The following DNAJC24 variants were observed in gnomAD, a reference collection of about 807,000 sequenced individuals.
DNAJC24 encodes dnaJ homolog subfamily C member 24.
DNAJC24 carries 17 observed loss-of-function variants against 18.0 expected under a neutral mutation model. That is an observed-to-expected ratio of 0.94 (90% CI 0.65 to 1.42). The LOEUF (loss-of-function observed/expected upper bound fraction) is 1.42, where lower values mean the gene tolerates loss of function less well. Among genes scored for constraint, DNAJC24 ranks in the 40% most tolerant of loss-of-function variants. The probability of loss-of-function intolerance (pLI) is 0.00; values close to 1 mark genes in which losing one functional copy is unlikely to be tolerated. For missense variants in DNAJC24, 158 were observed against 175.6 expected (o/e 0.90, Z 0.57); for synonymous variants, 55 against 57.7 (o/e 0.95, Z 0.21).
intron 3 of DNAJC24, among the ~76,000 whole-genome samples, chr11:31,425,835 C>T (rs1421487838): frequency 6.6e-6 from 1 of 152,086 alleles, no homozygotes; most frequent in Non-Finnish European, 1.5e-5. Flanking sequence ...ATGAACAAAC[C>T]AATACACCTA....
intron 2 of DNAJC24, among the ~76,000 whole-genome samples, chr11:31,402,081 G>T (rs1216904070): frequency 6.6e-6 from 1 of 152,174 alleles, no homozygotes; most frequent in South Asian, 2.1e-4. Context: ...ATCACAGAGT[G>T]CACTTACGTA....
chr11:31,397,972 T>A (rs1952559880), intron 2 of DNAJC24, among the ~76,000 whole-genome samples: 1 of 152,040 alleles, frequency 6.6e-6, no homozygotes, highest in African/African-American at 2.4e-5. Context: ...CCAGCTAATT[T>A]TTGTATTCTC....
At chr11:31,414,294 G>A (rs1418223251) in intron 2 of DNAJC24, among the ~76,000 whole-genome samples, 1 of 152,126 alleles carries the variant, frequency 6.6e-6, no homozygotes, top group African/African-American at 2.4e-5. Flanking sequence ...ATAATCTTCA[G>A]GGCTGGGGAA....
intron 2 of DNAJC24, among the ~76,000 whole-genome samples, chr11:31,413,772 T>A (rs1591917925): frequency 1.3e-5 from 2 of 152,320 alleles, no homozygotes; most frequent in African/African-American, 2.4e-5. Flanking sequence ...GGCTGGGAGT[T>A]CCTTATTTAC....
chr11:31,414,321 A>G (rs921898176), intron 2 of DNAJC24, among the ~76,000 whole-genome samples: 2 of 152,162 alleles, frequency 1.3e-5, no homozygotes, highest in African/African-American at 4.8e-5. Context: ...GAAAGTTGTC[A>G]TGTTTATAAT....
chr11:31,427,313 G>C (rs1483897989), intron 4 of DNAJC24: 1 of 151,908 alleles, frequency 6.6e-6, no homozygotes, highest in African/African-American at 2.4e-5. Flanking sequence ...TTTGCCTCTG[G>C]GGCCATTCTG....
At position 31,432,581 on chromosome 11, in the gene DNAJC24, A is replaced by T; in HGVS notation, c.*2180A>T. On this transcript the variant is annotated 3_prime_UTR_variant, in exon 5 of 5. Coordinates refer to ENST00000465995, the MANE Select transcript of DNAJC24 (RefSeq NM_181706.5). ...TCAGAGGCCAAATCTGTAAAATCAAAATGAGGTTGAAGACAATTAGTGAAA... is the reference window on the plus strand; with the variant it reads ...TCAGAGGCCAAATCTGTAAAATCAATATGAGGTTGAAGACAATTAGTGAAA... The T allele has an allele frequency of 6.3e-7, 1 of 1,589,584 alleles. No homozygotes were observed. Among genetic ancestry groups the T allele is most frequent in the Non-Finnish European group, 8.6e-7 (1 of 1,157,874 alleles).
At chr11:31,385,925 G>T (rs1324222882) in intron 2 of DNAJC24, among the ~76,000 whole-genome samples, 1 of 152,164 alleles carries the variant, frequency 6.6e-6, no homozygotes, top group East Asian at 1.9e-4. Context: ...CGTGGAAAGA[G>T]AATCCGTGTG....
Position 31,389,351 on chromosome 11 carries a change from A to G in DNAJC24, c.111+18492A>G, listed in dbSNP as rs529343807. ...TGAAACAAACAAACAAAAAAAGAGT[A>G]AAAGGAGCTATACTTATATCAAACA... On this transcript the variant is annotated intron_variant, in intron 2 of 4. Coordinates refer to ENST00000465995, the MANE Select transcript of DNAJC24 (RefSeq NM_181706.5). Among the ~76,000 whole-genome samples the G allele has an allele frequency of 2.6e-5, 4 of 152,310 alleles. No individual in the cohort carries two copies. In the South Asian group the frequency reaches 8.3e-4, roughly 32 times the overall value.
At chr11:31,410,901 A>G (rs1273238572) in intron 2 of DNAJC24, among the ~76,000 whole-genome samples, 1 of 152,230 alleles carries the variant, frequency 6.6e-6, no homozygotes, top group African/African-American at 2.4e-5. Context: ...GATTGTATTA[A>G]TATATCAGTT....
chr11:31,420,861 C>A (rs1952797403), intron 3 of DNAJC24, among the ~76,000 whole-genome samples: 1 of 152,112 alleles, frequency 6.6e-6, no homozygotes, highest in South Asian at 2.1e-4. Flanking sequence ...AGGGTCAGAA[C>A]AAGATACCAG....
At chr11:31,416,138 G>A (rs868724698) in intron 3 of DNAJC24, 1 of 152,022 alleles carries the variant, frequency 6.6e-6, no homozygotes, top group Non-Finnish European at 1.5e-5. Flanking sequence ...AGACTGATGA[G>A]CTTATTTTTT....
chr11:31,425,673 T>C (rs764067611), intron 3 of DNAJC24, among the ~76,000 whole-genome samples: 4 of 152,062 alleles, frequency 2.6e-5, no homozygotes, highest in African/African-American at 7.2e-5. Context: ...CTTTTATGAC[T>C]CCATTTAACG....
At chr11:31,392,767 T>C (rs1952510162) in intron 2 of DNAJC24, among the ~76,000 whole-genome samples, 1 of 148,544 alleles carries the variant, frequency 6.7e-6, no homozygotes, top group Admixed American at 6.9e-5. Context: ...TTGAGCACAA[T>C]GGTGTGATCT....
intron 2 of DNAJC24, among the ~76,000 whole-genome samples, chr11:31,399,447 C>G (rs1952576739): frequency 6.8e-6 from 1 of 146,858 alleles, no homozygotes; most frequent in Non-Finnish European, 1.5e-5. Flanking sequence ...CGGAGTCTCG[C>G]TCCGTCACCC....
At chr11:31,395,014 G>T (rs1952531853) in intron 2 of DNAJC24, among the ~76,000 whole-genome samples, 1 of 152,208 alleles carries the variant, frequency 6.6e-6, no homozygotes, top group Admixed American at 6.5e-5. Context: ...GTAATTTGTT[G>T]ATCCTCACCC....
intron 2 of DNAJC24, among the ~76,000 whole-genome samples, chr11:31,386,181 G>A (rs1952428419): frequency 6.6e-6 from 1 of 152,048 alleles, no homozygotes; most frequent in Non-Finnish European, 1.5e-5. Context: ...TAGGCCACAA[G>A]GGTTGTAATT....
chr11:31,413,183 G>T (rs1952723998), intron 2 of DNAJC24, among the ~76,000 whole-genome samples: 2 of 151,862 alleles, frequency 1.3e-5, no homozygotes, highest in Non-Finnish European at 2.9e-5. Flanking sequence ...TGTGCACATG[G>T]TTACTTGCCT....
Position 31,426,373 on chromosome 11 carries a change from T to A in DNAJC24, c.319+18T>A. ...GAATGAAGGTTGGATTTTTTTTTTC[T>A]CTTGACAACATTTAAAAAAAAAAGG... On this transcript the variant is annotated intron_variant, in intron 4 of 4. Transcript: ENST00000465995. 3 of 1,388,080 alleles carry A rather than the reference T, an allele frequency of 2.2e-6. No individual in the cohort carries two copies. Among genetic ancestry groups the A allele is most frequent in the Non-Finnish European group, 2.9e-6 (3 of 1,020,448 alleles). 86.0% of individuals were successfully genotyped at this position (1,388,080 alleles called of 1,614,324 possible).
Sources: allele counts gnomAD v4.1 joint callset (sites outside exome capture counted in the v4.1 genomes callset), GRCh38; gene constraint gnomAD v4.1.1; transcripts MANE v1.5; gene names NCBI Gene and HGNC (gene_info 2026-07-23, HGNC 2026-07-21).